Variants in LYST observed in about 807,000 individuals in gnomAD.
LYST encodes lysosomal-trafficking regulator.
A neutral mutation model predicts 413.6 loss-of-function variants in LYST; 192 were observed. The observed-to-expected ratio is 0.46, with a 90% CI of 0.41 to 0.52. The LOEUF (loss-of-function observed/expected upper bound fraction) is 0.52. LYST is among the 20% of genes least tolerant of loss of function. The pLI is 0.00. For missense variants in LYST, 3,815 were observed against 4,499.9 expected (o/e 0.85, Z 4.35); for synonymous variants, 1,525 against 1,567.3 (o/e 0.97, Z 0.64).
At chr1:235,791,652 T>C (rs773627461) in intron 12 of LYST, 47 bp downstream of exon 12, 2 of 1,498,774 alleles carry the variant, frequency 1.3e-6, no homozygotes, top group East Asian at 4.5e-5. Context: ...AAAATTATAG[T>C]CTGAAAACAA....
rs59556548 is a variant in LYST, at chr1:235,816,128, C to CAAAAAAAAA, written c.193-3076_193-3068dup. 1.7e-4 allele frequency among the ~76,000 whole-genome samples: 2 copies of CAAAAAAAAA among 11,802 alleles called. 1 individual carries two copies. Among genetic ancestry groups the CAAAAAAAAA allele is most frequent in the Non-Finnish European group, 2.6e-4 (2 of 7,662 alleles). 7.7% of individuals were successfully genotyped at this position (11,802 alleles called of 152,430 possible). ...CTGGCAACAAAGTGAGACTCCATCT[C>CAAAAAAAAA]AAAAAAAAAAAAAAAAAAAAAAAAA... On this transcript the variant is annotated intron_variant, in intron 3 of 52. Transcript: ENST00000389793.
At chr1:235,717,854 C>G (rs560533010) in intron 40 of LYST, among the ~76,000 whole-genome samples, 11 of 152,048 alleles carry the variant, frequency 7.2e-5, no homozygotes, top group African/African-American at 2.7e-4. Context: ...AAATTAACAT[C>G]TAAAAACAGA....
chr1:235,851,399 G>C (rs1165897508), intron 1 of LYST, among the ~76,000 whole-genome samples: 1 of 151,088 alleles, frequency 6.6e-6, no homozygotes, highest in African/African-American at 2.4e-5. Context: ...TGAGGACTTG[G>C]GGGGAAGAGT....
chr1:235,787,016 G>C, intron 14 of LYST, 184 bp downstream of exon 14: 1 of 495,776 alleles, frequency 2.0e-6, no homozygotes, highest in Non-Finnish European at 3.6e-6. Context: ...CCTGCACATT[G>C]TGCACATGTA....
At chr1:235,746,176 C>T (rs1419183478) in intron 29 of LYST, among the ~76,000 whole-genome samples, 160 bp downstream of exon 29, 1 of 152,150 alleles carries the variant, frequency 6.6e-6, no homozygotes, top group Admixed American at 6.5e-5. Context: ...GACTTTTATT[C>T]AAGACTTATC....
intron 16 of LYST, among the ~76,000 whole-genome samples, chr1:235,779,680 A>G (rs901357192): frequency 6.6e-6 from 1 of 152,180 alleles, no homozygotes; most frequent in African/African-American, 2.4e-5. Flanking sequence ...GGATAGGATC[A>G]TTCTTTGTTG....
In LYST at chr1:235,724,168, C is replaced by A; in HGVS notation, c.9175G>T (p.Glu3059Ter). ...DTVESSSLQG[E>*]LEPASFSWTY... ...CAGGAAAATGATGCTGGTTCCAACT[C>A]TCCCTGAAGGCTCTAAGACAAAGAA... is the stretch of plus-strand genomic sequence containing the variant. Residue 3059 changes from glutamate (E) to a stop codon, truncating the protein, a stop_gained, in exon 39 of 53, where the codon GAG becomes TAG. Coordinates refer to ENST00000389793, the MANE Select transcript of LYST (RefSeq NM_000081.4). LOFTEE classifies it high-confidence loss of function. 1 of 1,613,676 alleles carries A rather than the reference C, an allele frequency of 6.2e-7. No homozygotes were observed. Among genetic ancestry groups the A allele is most frequent in the Non-Finnish European group, 8.5e-7 (1 of 1,179,706 alleles).
intron 31 of LYST, chr1:235,736,722 A>C (rs912081910): frequency 6.6e-6 from 1 of 152,182 alleles, no homozygotes; most frequent in African/African-American, 2.4e-5. Context: ...GGATATACTA[A>C]GTGAAGAAAG....
intron 31 of LYST, chr1:235,737,916 A>ATACTCCTT: frequency 2.6e-6 from 3 of 1,163,406 alleles, no homozygotes; most frequent in Admixed American, 4.4e-5. Flanking sequence ...GCTGCCGACG[A>ATACTCCTT]GTCTGGATCT....
At chr1:235,877,706 G>A (rs543476621) in intron 1 of LYST, among the ~76,000 whole-genome samples, 34 of 151,940 alleles carry the variant, frequency 2.2e-4, no homozygotes, top group African/African-American at 5.6e-4. Flanking sequence ...GCGCCTGGCC[G>A]GTCAACTTTC....
At chr1:235,793,863 C>T (rs944331137) in intron 10 of LYST, among the ~76,000 whole-genome samples, 15 of 152,018 alleles carry the variant, frequency 9.9e-5, no homozygotes, top group Admixed American at 4.6e-4. Flanking sequence ...GACAGAGGCT[C>T]GCTCTGTCAC....
chr1:235,682,653 A>G (rs1297634421), intron 48 of LYST, among the ~76,000 whole-genome samples: 1 of 152,246 alleles, frequency 6.6e-6, no homozygotes, highest in Non-Finnish European at 1.5e-5. Context: ...ATGAAAGAAT[A>G]TAGAGAAAAA....
At chr1:235,717,283 T>C (rs1662929292) in intron 40 of LYST, among the ~76,000 whole-genome samples, 1 of 152,118 alleles carries the variant, frequency 6.6e-6, no homozygotes, top group Non-Finnish European at 1.5e-5. Flanking sequence ...CAAGCTGAGA[T>C]TTGGAGACTG....
chr1:235,759,795 C>G (rs1667401359), intron 22 of LYST, among the ~76,000 whole-genome samples, 196 bp from the exon 23 acceptor site: 1 of 151,972 alleles, frequency 6.6e-6, no homozygotes, highest in Admixed American at 6.6e-5. Flanking sequence ...GCTCTCTTAC[C>G]TACTGAAGTG....
At chr1:235,739,116 A>G (rs1160327500) in intron 31 of LYST, 7 of 510,778 alleles carry the variant, frequency 1.4e-5, no homozygotes, top group Non-Finnish European at 2.7e-5. Flanking sequence ...TGGGAAAAAC[A>G]TCAATTCCTA....
chr1:235,858,621 T>G (rs1436955656), intron 1 of LYST, among the ~76,000 whole-genome samples: 6 of 152,358 alleles, frequency 3.9e-5, no homozygotes, highest in African/African-American at 1.4e-4. Flanking sequence ...ACCAGCCTTG[T>G]CTTGGCTTGG....
chr1:235,688,818 A>G (rs1660408662), intron 47 of LYST, among the ~76,000 whole-genome samples: 1 of 151,934 alleles, frequency 6.6e-6, no homozygotes, highest in Non-Finnish European at 1.5e-5. Flanking sequence ...CCCCGTCTCT[A>G]CTAAACATAC....
chr1:235,665,307 A>G (rs1419279732), intron 50 of LYST, among the ~76,000 whole-genome samples: 1 of 152,088 alleles, frequency 6.6e-6, no homozygotes, highest in Non-Finnish European at 1.5e-5. Context: ...ATTCTGTGAA[A>G]CCATCTATAA....
chr1:235,798,578 TAAAAAAAAAAAAAAAAAAAA>T (rs71174462), intron 10 of LYST, among the ~76,000 whole-genome samples: 16 of 81,714 alleles, frequency 2.0e-4, no homozygotes, highest in South Asian at 1.1e-3. Context: ...AACCCTGTCA[TAAAAAAAAAAAAAAAAAAAA>T]AAAAAAAAAA....
Sources: allele counts gnomAD v4.1 joint callset (sites outside exome capture counted in the v4.1 genomes callset), GRCh38; gene constraint gnomAD v4.1.1; transcripts MANE v1.5; gene names NCBI Gene and HGNC (gene_info 2026-07-23, HGNC 2026-07-21).